KICS2: variants seen among roughly 807,000 people sequenced by gnomAD.
KICS2 encodes the protein KICSTOR subunit 2, also known as KICSTOR complex protein C12orf66.
KICS2 carries 13 observed loss-of-function variants against 31.4 expected under a neutral mutation model. That is an observed-to-expected ratio of 0.41 (90% CI 0.27 to 0.66). The LOEUF is 0.66. Ranked by LOEUF, KICS2 falls within the 30% of genes least tolerant of loss-of-function variation. The probability of loss-of-function intolerance (pLI) is 0.28; values close to 1 mark genes in which losing one functional copy is unlikely to be tolerated. For missense variants in KICS2, 455 were observed against 545.4 expected, an observed-to-expected ratio of 0.83 and a Z score of 1.65; for synonymous variants, 209 against 214.8, an observed-to-expected ratio of 0.97 and a Z score of 0.24.
chr12:64,209,393 T>A (rs1475032025), intron 2 of KICS2, among the ~76,000 whole-genome samples: 1 of 152,108 alleles, frequency 6.6e-6, no homozygotes, highest in Non-Finnish European at 1.5e-5. Flanking sequence ...AAGACCAGCC[T>A]GGCCAACATG....
Position 64,192,493 on chromosome 12 carries a change from T to C in KICS2, c.*1349A>G. ...GCTTCCTACATGGACTCTGAGGGGC[T>C]CTCTGGTCTCTGCTGATGTTGCTGG... On this transcript the variant is annotated 3_prime_UTR_variant, in exon 3 of 3. Transcript: ENST00000398055. 1 of 573,550 alleles carries C rather than the reference T, an allele frequency of 1.7e-6. No homozygotes were observed. The highest frequency in any genetic ancestry group is 2.2e-6 in the Non-Finnish European group (1 of 453,774). The allele number at this position is 573,550 out of a possible 1,614,324, so 35.5% of individuals were successfully genotyped here.
chr12:64,189,802 G>C (rs1249229403), downstream of KICS2, among the ~76,000 whole-genome samples: 3 of 152,032 alleles, frequency 2.0e-5, no homozygotes, highest in East Asian at 5.8e-4. Flanking sequence ...ATGATAAAAT[G>C]GTGAATACAA....
chr12:64,220,270 C>T (rs556064534), intron 1 of KICS2, among the ~76,000 whole-genome samples: 1 of 152,290 alleles, frequency 6.6e-6, no homozygotes, highest in Admixed American at 6.5e-5. Context: ...TCAATTTACA[C>T]ATTGAGGACC....
Position 64,193,531 on chromosome 12 carries a change from A to G in KICS2, c.*311T>C. Reference sequence around the variant, plus strand: ...AATGTTTAGAACAACAGAAAAACATATGGGAAAAAAAAAAGCCCAATAAAT... The same window carrying G: ...AATGTTTAGAACAACAGAAAAACATGTGGGAAAAAAAAAAGCCCAATAAAT... On this transcript the variant is annotated 3_prime_UTR_variant, in exon 3 of 3. Coordinates refer to ENST00000398055, the MANE Select transcript of KICS2 (RefSeq NM_152440.5). The G allele has an allele frequency of 1.8e-6, 2 of 1,095,068 alleles. No homozygotes were observed. The highest frequency in any genetic ancestry group is 4.2e-4 in the Middle Eastern group (1 of 2,408). 67.8% of individuals were successfully genotyped at this position (1,095,068 alleles called of 1,614,324 possible). A position where few individuals can be genotyped will look rare whatever the true frequency, so the allele number is the denominator to read the frequency against.
intron 2 of KICS2, among the ~76,000 whole-genome samples, chr12:64,196,891 G>A (rs1348771346): frequency 2.0e-5 from 3 of 150,052 alleles, no homozygotes; most frequent in Non-Finnish European, 4.4e-5. Context: ...GAGAAGGGAA[G>A]TTTAGAGAAA....
At chr12:64,203,308 C>T (rs2037507592) in intron 2 of KICS2, among the ~76,000 whole-genome samples, 1 of 152,192 alleles carries the variant, frequency 6.6e-6, no homozygotes, top group Non-Finnish European at 1.5e-5. Context: ...GAGAGTCCTT[C>T]CTGTACAGAC....
intron 2 of KICS2, among the ~76,000 whole-genome samples, chr12:64,209,117 C>G (rs138067998): frequency 3.3e-4 from 50 of 152,150 alleles, no homozygotes; most frequent in African/African-American, 1.1e-3. Context: ...CAAGGAATAG[C>G]AGATACTGTG....
chr12:64,211,922 A>T (rs1031807615), intron 2 of KICS2, among the ~76,000 whole-genome samples: 1 of 152,146 alleles, frequency 6.6e-6, no homozygotes, highest in African/African-American at 2.4e-5. Context: ...GAATGTAAAA[A>T]CTGTTTTTTT....
chr12:64,191,555 A>G lies in KICS2; in HGVS notation c.*2287T>C, dbSNP rs2037378805. On this transcript the variant is annotated 3_prime_UTR_variant, in exon 3 of 3. Coordinates refer to ENST00000398055, the MANE Select transcript of KICS2 (RefSeq NM_152440.5). ...GTTTAATCTAAGAGGAAAAAAATAC[A>G]TGCATACCAAGGAATATTTTTCAGT... The G allele has an allele frequency of 1.3e-5, 2 of 152,174 alleles. No individual in the cohort carries two copies. Among genetic ancestry groups the G allele is most frequent in the Admixed American group, 1.3e-4 (2 of 15,282 alleles). 9.4% of individuals were successfully genotyped at this position (152,174 alleles called of 1,614,324 possible).
intron 2 of KICS2, among the ~76,000 whole-genome samples, chr12:64,213,577 C>CG (rs373487569): frequency 1.0e-3 from 153 of 152,298 alleles, no homozygotes; most frequent in African/African-American, 3.3e-3. Flanking sequence ...ACCTCCCCCC[C>CG]TTTTCCTACA....
At chr12:64,220,632 C>T (rs892092251) in intron 1 of KICS2, among the ~76,000 whole-genome samples, 2 of 151,838 alleles carry the variant, frequency 1.3e-5, no homozygotes, top group Admixed American at 1.3e-4. Context: ...CTAAATATTA[C>T]CTACCTTCAG....
intron 1 of KICS2, among the ~76,000 whole-genome samples, chr12:64,218,705 A>AG: frequency 6.6e-6 from 1 of 151,836 alleles, no homozygotes; most frequent in Middle Eastern, 3.4e-3. Context: ...GACTTATGGG[A>AG]GAAAAAAAAA....
chr12:64,221,436 TAA>T (rs2037681984), intron 1 of KICS2: 1 of 154,042 alleles, frequency 6.5e-6, no homozygotes, highest in African/African-American at 2.4e-5. Context: ...CATGAAGTGC[TAA>T]GAGTGTTTAC....
Position 64,191,242 on chromosome 12 carries a change from A to G in KICS2, c.*2600T>C, listed in dbSNP as rs2037375969. 6.6e-6 allele frequency: 1 copy of G among 151,412 alleles called. No homozygotes were observed. The highest frequency in any genetic ancestry group is 1.5e-5 in the Non-Finnish European group (1 of 68,042). 9.4% of individuals were successfully genotyped at this position (151,412 alleles called of 1,614,324 possible). A position where few individuals can be genotyped will look rare whatever the true frequency, so the allele number is the denominator to read the frequency against. On this transcript the variant is annotated 3_prime_UTR_variant, in exon 3 of 3. Coordinates refer to ENST00000398055, the MANE Select transcript of KICS2 (RefSeq NM_152440.5). ...ACTTTATTGAAGAGCTTCAGAAATA[A>G]TTTAAGTATCAATATTCAATCTTCA... is the stretch of plus-strand genomic sequence containing the variant.
intron 1 of KICS2, among the ~76,000 whole-genome samples, chr12:64,219,485 T>C (rs1167928539): frequency 2.6e-5 from 4 of 152,160 alleles, no homozygotes; most frequent in African/African-American, 4.8e-5. Flanking sequence ...GGTCTATCCT[T>C]TGTCTAAAGG....
chr12:64,214,361 A>T (rs1332521978), intron 2 of KICS2, among the ~76,000 whole-genome samples: 2 of 152,242 alleles, frequency 1.3e-5, no homozygotes, highest in Admixed American at 6.5e-5. Context: ...GGAGAATAAG[A>T]TAGTGACTAA....
intron 2 of KICS2, among the ~76,000 whole-genome samples, chr12:64,211,395 CATT>C (rs1565719074): frequency 1.3e-5 from 2 of 152,092 alleles, no homozygotes; most frequent in African/African-American, 4.8e-5. Flanking sequence ...GTGGGGGGAT[CATT>C]TGAGGTCAGG....
chr12:64,194,776 G>A, intron 2 of KICS2, 118 bp from the exon 3 acceptor site: 1 of 1,327,154 alleles, frequency 7.5e-7, no homozygotes, highest in Non-Finnish European at 9.9e-7. Flanking sequence ...CAGGACAGGG[G>A]AAGAAAAGAT....
chr12:64,220,687 T>C (rs1226803302), intron 1 of KICS2, among the ~76,000 whole-genome samples: 1 of 152,088 alleles, frequency 6.6e-6, no homozygotes, highest in Non-Finnish European at 1.5e-5. Flanking sequence ...ATAAAAAACA[T>C]ATATCTGTAT....
Sources: gnomAD v4.1 joint callset for allele counts (sites outside exome capture counted in the v4.1 genomes callset) on GRCh38, gnomAD v4.1.1 for gene constraint, MANE v1.5 for transcripts, NCBI Gene and HGNC (gene_info 2026-07-23, HGNC 2026-07-21) for gene names.